Variants in ACBD6 observed in about 807,000 individuals in gnomAD.
ACBD6 encodes the protein acyl-CoA-binding domain-containing protein 6.
ACBD6 carries 28 observed loss-of-function variants against 37.2 expected under a neutral mutation model. The observed-to-expected ratio is 0.75, with a 90% CI of 0.56 to 1.03. ACBD6 has a LOEUF of 1.03. Among genes scored for constraint, ACBD6 ranks in the 50% least tolerant of loss-of-function variants. The pLI, the probability that ACBD6 is intolerant of heterozygous loss-of-function variation, is 0.00. For missense variants in ACBD6, 340 were observed against 337.4 expected, an observed-to-expected ratio of 1.01 and a Z score of -0.06; for synonymous variants, 113 against 126.8, an observed-to-expected ratio of 0.89 and a Z score of 0.73.
chr1:180,300,580 C>T lies in ACBD6; in HGVS notation c.695-12063G>A, dbSNP rs117975891. Reference sequence around the variant, plus strand: ...ATATTTTAGTTTTATATATTTGTAACGCCAGAACTTATAGGGATATTTAGT... The same window carrying T: ...ATATTTTAGTTTTATATATTTGTAATGCCAGAACTTATAGGGATATTTAGT... On this transcript the variant is annotated intron_variant, in intron 7 of 7. Transcript: ENST00000367595. Among the ~76,000 whole-genome samples the T allele has an allele frequency of 1.6e-4, 25 of 152,104 alleles. No homozygotes were observed. In the East Asian group the frequency reaches 4.4e-3, roughly 27 times the overall value.
At chr1:180,500,960 A>G (rs781291167) in intron 1 of ACBD6, among the ~76,000 whole-genome samples, 9 of 152,232 alleles carry the variant, frequency 5.9e-5, no homozygotes, top group Non-Finnish European at 1.3e-4. Context: ...AAAGCTGCTG[A>G]ACAAATATAT....
At chr1:180,327,816 T>C (rs556492148) in intron 6 of ACBD6, among the ~76,000 whole-genome samples, 2 of 152,358 alleles carry the variant, frequency 1.3e-5, no homozygotes, top group Admixed American at 6.5e-5. Context: ...ATCACTACTA[T>C]ATTCTGTTTG....
At chr1:180,383,309 A>C (rs540775334) in intron 6 of ACBD6, among the ~76,000 whole-genome samples, 1 of 152,202 alleles carries the variant, frequency 6.6e-6, no homozygotes, top group Non-Finnish European at 1.5e-5. Context: ...CTCCACCAAA[A>C]ATCTCTTAGA....
chr1:180,395,476 A>T (rs1309237003), intron 6 of ACBD6, among the ~76,000 whole-genome samples: 5 of 151,926 alleles, frequency 3.3e-5, no homozygotes, highest in Admixed American at 2.6e-4. Context: ...ATTTTTTTTT[A>T]TTTTTATTTT....
intron 3 of ACBD6, chr1:180,435,513 A>C: frequency 3.1e-6 from 2 of 647,138 alleles, no homozygotes; most frequent in Non-Finnish European, 2.6e-6. Flanking sequence ...GGCCTCCCAA[A>C]GTGCTGGGAT....
intron 3 of ACBD6, among the ~76,000 whole-genome samples, chr1:180,481,992 A>C (rs1430779629): frequency 6.6e-6 from 1 of 152,188 alleles, no homozygotes; most frequent in African/African-American, 2.4e-5. Flanking sequence ...TACATGAGAA[A>C]TATATAACTT....
chr1:180,384,729 C>T (rs901010500), intron 6 of ACBD6, among the ~76,000 whole-genome samples: 36 of 152,044 alleles, frequency 2.4e-4, no homozygotes, highest in African/African-American at 8.7e-4. Flanking sequence ...ATTCACAATA[C>T]CAAAGATATG....
At chr1:180,377,391 T>C (rs1653474496) in intron 6 of ACBD6, among the ~76,000 whole-genome samples, 2 of 152,222 alleles carry the variant, frequency 1.3e-5, no homozygotes, top group South Asian at 2.1e-4. Context: ...TCCAAAAGGA[T>C]TGAGCACATC....
intron 3 of ACBD6, among the ~76,000 whole-genome samples, chr1:180,436,257 T>G (rs1649030429): frequency 6.6e-6 from 1 of 152,198 alleles, no homozygotes; most frequent in African/African-American, 2.4e-5. Flanking sequence ...AAATTCATAT[T>G]GAGTAAATGA....
chr1:180,372,625 C>A (rs1405707045), intron 6 of ACBD6, among the ~76,000 whole-genome samples: 3 of 152,044 alleles, frequency 2.0e-5, no homozygotes, highest in Non-Finnish European at 4.4e-5. Context: ...TGGATTTTAC[C>A]GGCAATGTGA....
intron 6 of ACBD6, among the ~76,000 whole-genome samples, chr1:180,333,206 T>C (rs1310766472): frequency 1.3e-5 from 2 of 152,184 alleles, no homozygotes; most frequent in Admixed American, 6.5e-5. Flanking sequence ...CGTAACATAA[T>C]TTTAAAAATG....
At chr1:180,389,914 A>G (rs1654004930) in intron 6 of ACBD6, among the ~76,000 whole-genome samples, 4 of 152,054 alleles carry the variant, frequency 2.6e-5, no homozygotes, top group Admixed American at 2.6e-4. Flanking sequence ...CCTTTGTCAG[A>G]TGAGTAGGTT....
exon 10 of ACBD6, chr1:180,275,002 AGGTAG>A (rs1438695295): frequency 6.1e-6 from 1 of 164,136 alleles, no homozygotes. Flanking sequence ...GAGACTCCTA[AGGTAG>A]AGGCCTCACA....
intron 5 of ACBD6, among the ~76,000 whole-genome samples, chr1:180,411,251 C>T (rs940768900): frequency 2.0e-5 from 3 of 152,092 alleles, no homozygotes; most frequent in African/African-American, 7.2e-5. Context: ...GAAATAACAA[C>T]AAAAATTTTA....
At chr1:180,274,594 C>T in intron 10 of ACBD6, 1 of 1,549,152 alleles carries the variant, frequency 6.5e-7, no homozygotes, top group South Asian at 1.2e-5. Flanking sequence ...CTCTCCTCCC[C>T]ACCCTACCTG....
chr1:180,342,680 T>C (rs565342680), intron 6 of ACBD6, among the ~76,000 whole-genome samples: 10 of 152,090 alleles, frequency 6.6e-5, no homozygotes, highest in Non-Finnish European at 2.9e-5. Flanking sequence ...ATTAGTCTTC[T>C]TTGTGTGTTA....
At chr1:180,387,557 C>A (rs928012203) in intron 6 of ACBD6, among the ~76,000 whole-genome samples, 1 of 152,180 alleles carries the variant, frequency 6.6e-6, no homozygotes, top group African/African-American at 2.4e-5. Context: ...CTCCCTGCTA[C>A]CACTGGGCAG....
chr1:180,295,311 C>G (rs1649876153), intron 7 of ACBD6, among the ~76,000 whole-genome samples: 1 of 150,802 alleles, frequency 6.6e-6, no homozygotes, highest in East Asian at 1.9e-4. Context: ...TGCTCTGTCG[C>G]CCAGGCTGAA....
At chr1:180,370,892 G>A (rs56290949) in intron 6 of ACBD6, among the ~76,000 whole-genome samples, 1 of 151,970 alleles carries the variant, frequency 6.6e-6, no homozygotes, top group Admixed American at 6.6e-5. Context: ...CAAACTTATG[G>A]AAAACATGTG....
Sources: allele counts gnomAD v4.1 joint callset (sites outside exome capture counted in the v4.1 genomes callset), GRCh38; gene constraint gnomAD v4.1.1; transcripts MANE v1.5; gene names NCBI Gene and HGNC (gene_info 2026-07-23, HGNC 2026-07-21).